The following UGGT2 variants were observed in gnomAD, a reference collection of about 807,000 sequenced individuals.
The protein encoded by UGGT2 is UDP-glucose glycoprotein glucosyltransferase 2.
Under a neutral mutation model 192.1 loss-of-function variants are expected in UGGT2, and 180 were observed. That is an observed-to-expected ratio of 0.94 (90% CI 0.83 to 1.06). The LOEUF is 1.06. Among genes scored for constraint, UGGT2 ranks in the 50% least tolerant of loss-of-function variants. The pLI is 0.00. For synonymous variants in UGGT2, 580 were observed against 591.0 expected, an observed-to-expected ratio of 0.98 and a Z score of 0.27; for missense variants, 1,849 against 1,795.7, an observed-to-expected ratio of 1.03 and a Z score of -0.54.
chr13:96,024,869 G>C (rs1025634293), intron 2 of UGGT2, among the ~76,000 whole-genome samples: 1 of 152,166 alleles, frequency 6.6e-6, no homozygotes, highest in Non-Finnish European at 1.5e-5. Flanking sequence ...GTTCTGACTG[G>C]AAGCAGACAT....
chr13:95,989,515 C>A, intron 8 of UGGT2: 1 of 366,078 alleles, frequency 2.7e-6, no homozygotes, highest in Non-Finnish European at 5.7e-6. Flanking sequence ...AGAAGCTGTT[C>A]CTAACTTTGT....
At chr13:95,877,965 CTAACTT>C in intron 27 of UGGT2, 109 bp from the exon 28 acceptor site, 1 of 1,164,014 alleles carries the variant, frequency 8.6e-7, no homozygotes, top group Non-Finnish European at 1.2e-6. Flanking sequence ...ATTTTGGTGG[CTAACTT>C]TAAGTCTTTA....
intron 12 of UGGT2, among the ~76,000 whole-genome samples, chr13:95,958,095 G>A (rs2050266043): frequency 6.6e-6 from 1 of 151,958 alleles, no homozygotes; most frequent in African/African-American, 2.4e-5. Flanking sequence ...AGTTTCTGAT[G>A]TTCAGGGAAT....
chr13:96,019,498 C>T (rs1465487548), intron 4 of UGGT2, among the ~76,000 whole-genome samples: 1 of 152,184 alleles, frequency 6.6e-6, no homozygotes, highest in African/African-American at 2.4e-5. Flanking sequence ...TGAAAACACC[C>T]CGAGAAAAGG....
chr13:96,015,296 A>T (rs2052298658), intron 4 of UGGT2, among the ~76,000 whole-genome samples: 1 of 151,386 alleles, frequency 6.6e-6, no homozygotes, highest in Admixed American at 6.6e-5. Flanking sequence ...AAAAAAAGAA[A>T]GAAAACTAGA....
At chr13:95,955,006 C>T (rs1359222124) in intron 12 of UGGT2, among the ~76,000 whole-genome samples, 2 of 152,094 alleles carry the variant, frequency 1.3e-5, no homozygotes, top group African/African-American at 2.4e-5. Context: ...TGTCTATGCC[C>T]GATGTCTTAC....
chr13:95,877,638 A>G (rs767243600), intron 28 of UGGT2, 60 bp downstream of exon 28: 3 of 1,543,116 alleles, frequency 1.9e-6, no homozygotes, highest in Non-Finnish European at 2.6e-6. Flanking sequence ...TTTTACTCTT[A>G]GGAAAACAGA....
intron 10 of UGGT2, among the ~76,000 whole-genome samples, chr13:95,978,036 A>AG (rs1374373404): frequency 6.6e-6 from 1 of 152,054 alleles, no homozygotes; most frequent in African/African-American, 2.4e-5. Flanking sequence ...GTAGGGGGCA[A>AG]GGGGAGAGAG....
intron 8 of UGGT2, chr13:95,989,586 G>GA (rs1458286855): frequency 5.2e-6 from 2 of 385,774 alleles, no homozygotes; most frequent in South Asian, 3.9e-5. Context: ...ACATGCAATA[G>GA]TCTTAACAGG....
chr13:95,939,333 T>C (rs190301149), intron 16 of UGGT2, among the ~76,000 whole-genome samples: 1 of 152,328 alleles, frequency 6.6e-6, no homozygotes, highest in Admixed American at 6.5e-5. Context: ...AAGTATTCCT[T>C]ATCCCCATAC....
At chr13:95,922,649 C>CCT (rs10689079) in intron 20 of UGGT2, among the ~76,000 whole-genome samples, 58,280 of 151,296 alleles carry the variant, frequency 0.39, 11,358 homozygotes, top group Middle Eastern at 0.42. Flanking sequence ...TGGCAAAACC[C>CCT]GTCTCTACAA....
intron 30 of UGGT2, among the ~76,000 whole-genome samples, chr13:95,866,154 G>A (rs1407116837): frequency 6.6e-6 from 1 of 152,026 alleles, no homozygotes; most frequent in Non-Finnish European, 1.5e-5. Context: ...CTGAAGGCAT[G>A]TTAAAGCTAT....
chr13:96,046,648 T>C (rs535921808), intron 1 of UGGT2, among the ~76,000 whole-genome samples: 45 of 152,214 alleles, frequency 3.0e-4, no homozygotes, highest in Non-Finnish European at 5.1e-4. Flanking sequence ...GCCCACAGAG[T>C]GTGAGCCGAA....
chr13:95,826,556 C>T (rs1321907942), intron 38 of UGGT2, among the ~76,000 whole-genome samples: 7 of 151,952 alleles, frequency 4.6e-5, no homozygotes, highest in Non-Finnish European at 7.4e-5. Context: ...AGAAAGTAGT[C>T]TTTATGTACA....
intron 15 of UGGT2, 104 bp from the exon 16 acceptor site, chr13:95,940,195 T>C (rs1394043940): frequency 3.6e-6 from 3 of 823,976 alleles, no homozygotes; most frequent in East Asian, 3.1e-5. Context: ...GTTCAAAATA[T>C]ACTAACTACA....
chr13:95,947,269 A>T, intron 14 of UGGT2, 97 bp from the exon 15 acceptor site: 2 of 1,232,698 alleles, frequency 1.6e-6, no homozygotes, highest in Non-Finnish European at 2.2e-6. Context: ...ATCTAGATGG[A>T]GAGAATGTAT....
chr13:96,023,275 A>G, intron 3 of UGGT2, 123 bp from the exon 4 acceptor site: 3 of 769,342 alleles, frequency 3.9e-6, no homozygotes, highest in Non-Finnish European at 5.5e-6. Flanking sequence ...GCTCTAATTA[A>G]AGTAAAAAAA....
chr13:95,906,647 G>A (rs1357418789), intron 20 of UGGT2, among the ~76,000 whole-genome samples: 1 of 152,134 alleles, frequency 6.6e-6, no homozygotes, highest in African/African-American at 2.4e-5. Context: ...TAAATGTAAA[G>A]ATATCCACAG....
Position 95,899,645 on chromosome 13 carries a change from T to C in UGGT2, c.2634+1162A>G, listed in dbSNP as rs76477699. ...AAGGTAAGGCACTAGATAAAACAGG[T>C]GCCATTGTTTCCCTCTTTATCCCTT... On this transcript the variant is annotated intron_variant, in intron 22 of 38. Transcript: ENST00000376747. Among the ~76,000 whole-genome samples the C allele has an allele frequency of 2.8e-4, 42 of 151,900 alleles. No individual in the cohort carries two copies. In the East Asian group the frequency reaches 5.2e-3, roughly 19 times the overall value.
Sources: allele counts gnomAD v4.1 joint callset (sites outside exome capture counted in the v4.1 genomes callset), GRCh38; gene constraint gnomAD v4.1.1; transcripts MANE v1.5; gene names NCBI Gene and HGNC (gene_info 2026-07-23, HGNC 2026-07-21).